Variants in NALF1 observed in about 807,000 individuals in gnomAD.
NALF1 encodes family with sequence similarity 155 member A.
NALF1 carries 3 observed loss-of-function variants against 48.4 expected under a neutral mutation model. That is an observed-to-expected ratio of 0.06 (90% CI 0.03 to 0.16). The LOEUF is 0.16. NALF1 is among the 10% of genes least tolerant of loss of function. The probability of loss-of-function intolerance (pLI) is 1.00; values close to 1 mark genes in which losing one functional copy is unlikely to be tolerated. For missense variants in NALF1, 526 were observed against 571.5 expected (o/e 0.92, Z 0.81); for synonymous variants, 262 against 245.7 (o/e 1.07, Z -0.62).
intron 1 of NALF1, among the ~76,000 whole-genome samples, chr13:107,391,214 A>G (rs1214243968): frequency 1.3e-5 from 2 of 152,106 alleles, no homozygotes; most frequent in Admixed American, 6.6e-5. Flanking sequence ...TCCTTCTCAG[A>G]TGATAGAAAA....
At position 107,210,621 on chromosome 13, in the gene NALF1, T is replaced by C. The variant is rs769259251; in HGVS notation, c.1050A>G (p.Glu350=). The C allele has an allele frequency of 3.1e-6, 5 of 1,613,656 alleles. No homozygotes were observed. The highest frequency in any genetic ancestry group is 4.2e-6 in the Non-Finnish European group (5 of 1,179,598). ...RCPFILPDND[E]VIYGGLSSFI... ...AACTGGAGAGGCCTCCGTAGATGACTTCATCATTGTCGGGCAATATAAATG... is the reference window on the plus strand; with the variant it reads ...AACTGGAGAGGCCTCCGTAGATGACCTCATCATTGTCGGGCAATATAAATG... Residue 350 remains glutamate (E), a synonymous_variant, in exon 2 of 3, where the codon GAA becomes GAG. Coordinates refer to ENST00000375915, the MANE Select transcript of NALF1 (RefSeq NM_001080396.3).
chr13:107,419,182 C>T (rs997148548), intron 1 of NALF1, among the ~76,000 whole-genome samples: 1 of 152,126 alleles, frequency 6.6e-6, no homozygotes, highest in Non-Finnish European at 1.5e-5. Context: ...TTCTAATTTT[C>T]GTTTGGAGAT....
At chr13:107,529,404 T>C (rs565673639) in intron 1 of NALF1, among the ~76,000 whole-genome samples, 1 of 152,200 alleles carries the variant, frequency 6.6e-6, no homozygotes, top group Non-Finnish European at 1.5e-5. Context: ...ATGCCCCAGA[T>C]GGCAGAAAGG....
intron 1 of NALF1, among the ~76,000 whole-genome samples, chr13:107,625,932 G>A (rs905301359): frequency 2.0e-5 from 3 of 151,992 alleles, no homozygotes; most frequent in African/African-American, 7.2e-5. Context: ...CATATTCAAA[G>A]CAGAAAAACT....
At chr13:107,414,611 T>C (rs1377910152) in intron 1 of NALF1, among the ~76,000 whole-genome samples, 1 of 151,778 alleles carries the variant, frequency 6.6e-6, no homozygotes, top group Non-Finnish European at 1.5e-5. Flanking sequence ...TTACCTTGAG[T>C]TTTCTGGGGA....
intron 1 of NALF1, among the ~76,000 whole-genome samples, chr13:107,545,608 T>C (rs1394133268): frequency 2.0e-5 from 3 of 152,024 alleles, no homozygotes; most frequent in Admixed American, 6.6e-5. Context: ...AGAGCAGATA[T>C]GGAGCTGAGG....
chr13:107,477,781 C>T (rs1264496286), intron 1 of NALF1, among the ~76,000 whole-genome samples: 9 of 151,652 alleles, frequency 5.9e-5, no homozygotes, highest in African/African-American at 1.7e-4. Context: ...TTTTTCCTGC[C>T]GCTTAAAGGT....
At chr13:107,851,805 CTT>C (rs34999908) in intron 1 of NALF1, among the ~76,000 whole-genome samples, 15 of 104,734 alleles carry the variant, frequency 1.4e-4, no homozygotes, top group African/African-American at 3.5e-4. Context: ...CAGGCCCTTT[CTT>C]TTTTTTTTTT....
At chr13:107,736,739 A>G (rs1189963673) in intron 1 of NALF1, among the ~76,000 whole-genome samples, 2 of 152,220 alleles carry the variant, frequency 1.3e-5, no homozygotes, top group Admixed American at 1.3e-4. Context: ...GGAAAAAGCC[A>G]GAGTGAATCA....
Position 107,390,667 on chromosome 13 carries a change from A to G in NALF1, c.916-179912T>C, listed in dbSNP as rs150301882. Among the ~76,000 whole-genome samples, 1,498 of 152,260 alleles carry G rather than the reference A, an allele frequency of 9.8e-3. 27 individuals are homozygous for G. Among genetic ancestry groups the G allele is most frequent in the African/African-American group, 0.035 (1,437 of 41,548 alleles). On this transcript the variant is annotated intron_variant, in intron 1 of 2. Transcript: ENST00000375915. ...CTTGAGGCAAAGTTGATTAATAGACATAATTAGTTACTATCCACGGCCAAC... is the reference window on the plus strand; with the variant it reads ...CTTGAGGCAAAGTTGATTAATAGACGTAATTAGTTACTATCCACGGCCAAC...
At chr13:107,799,365 C>A (rs1431840657) in intron 1 of NALF1, among the ~76,000 whole-genome samples, 1 of 152,176 alleles carries the variant, frequency 6.6e-6, no homozygotes, top group Non-Finnish European at 1.5e-5. Flanking sequence ...AAGTGACATG[C>A]CTGTAAATGA....
rs555360545 is a variant in NALF1, at chr13:107,639,257, T to C, written c.915+226425A>G. On this transcript the variant is annotated intron_variant, in intron 1 of 2. Transcript: ENST00000375915. ...TTCCCCTCTGCTCTTTCATAGTATA[T>C]GGCCTGCAAGCTGCAGCCTGAAATA... 8.5e-5 allele frequency among the ~76,000 whole-genome samples: 13 copies of C among 152,284 alleles called. No homozygotes were observed. The East Asian group carries it at 1.6e-3, about 18-fold the overall frequency.
At chr13:107,590,618 G>A (rs1459346142) in intron 1 of NALF1, among the ~76,000 whole-genome samples, 3 of 151,838 alleles carry the variant, frequency 2.0e-5, no homozygotes, top group African/African-American at 4.8e-5. Context: ...AGTTATTCTC[G>A]GAGGTTAGAA....
intron 1 of NALF1, among the ~76,000 whole-genome samples, chr13:107,305,982 G>C (rs1325940670): frequency 1.3e-5 from 2 of 152,094 alleles, no homozygotes; most frequent in East Asian, 3.9e-4. Context: ...AAAATAATAA[G>C]AAATCAACTA....
At chr13:107,776,262 T>C (rs1026624465) in intron 1 of NALF1, among the ~76,000 whole-genome samples, 3 of 152,140 alleles carry the variant, frequency 2.0e-5, no homozygotes, top group African/African-American at 7.2e-5. Flanking sequence ...TCCTGCTCCA[T>C]CTCTCATCAG....
chr13:107,609,533 A>G (rs1367808854), intron 1 of NALF1, among the ~76,000 whole-genome samples: 1 of 152,212 alleles, frequency 6.6e-6, no homozygotes, highest in Admixed American at 6.5e-5. Flanking sequence ...AGCCTTGCAC[A>G]GCCACTGAGT....
At chr13:107,651,421 C>G (rs1880448519) in intron 1 of NALF1, among the ~76,000 whole-genome samples, 1 of 152,170 alleles carries the variant, frequency 6.6e-6, no homozygotes, top group Non-Finnish European at 1.5e-5. Flanking sequence ...AGATTTTCAT[C>G]AGTATTTTGA....
intron 1 of NALF1, among the ~76,000 whole-genome samples, chr13:107,250,031 GGGGTTTTAGAGAAT>G (rs1880665865): frequency 2.6e-5 from 4 of 151,358 alleles, no homozygotes; most frequent in Non-Finnish European, 5.9e-5. Flanking sequence ...AGATTCTCTA[GGGGTTTTAGAGAAT>G]CTGTTGATTC....
At chr13:107,525,733 T>A (rs1010626752) in intron 1 of NALF1, among the ~76,000 whole-genome samples, 2 of 152,150 alleles carry the variant, frequency 1.3e-5, no homozygotes, top group African/African-American at 4.8e-5. Context: ...CTGTTTACTA[T>A]TTTGCTTCAA....
Sources: gnomAD v4.1 joint callset for allele counts (sites outside exome capture counted in the v4.1 genomes callset) on GRCh38, gnomAD v4.1.1 for gene constraint, MANE v1.5 for transcripts, NCBI Gene and HGNC (gene_info 2026-07-23, HGNC 2026-07-21) for gene names.